The following SLC26A7 variants were observed in gnomAD, a reference collection of about 807,000 sequenced individuals.
The protein encoded by SLC26A7 is anion exchange transporter.
In SLC26A7, 59 loss-of-function variants were observed where a neutral mutation model predicts 82.5. The observed-to-expected ratio is 0.72, with a 90% CI of 0.58 to 0.89. The LOEUF is 0.89. SLC26A7 is among the 40% of genes least tolerant of loss of function. The pLI is 0.00. For missense variants in SLC26A7, 820 were observed against 793.0 expected (o/e 1.03, Z -0.41); for synonymous variants, 271 against 274.3 (o/e 0.99, Z 0.12).
chr8:91,298,788 G>A (rs1182198634), intron 4 of SLC26A7, among the ~76,000 whole-genome samples: 1 of 152,126 alleles, frequency 6.6e-6, no homozygotes, highest in Non-Finnish European at 1.5e-5. Flanking sequence ...CTATGTATGT[G>A]TATATCTGGA....
chr8:91,339,626 G>GGATT (rs1390356635), intron 7 of SLC26A7, among the ~76,000 whole-genome samples: 1 of 100,382 alleles, frequency 1.0e-5, no homozygotes, highest in African/African-American at 4.2e-5. Flanking sequence ...ACTGCCTGAG[G>GGATT]GATTTATTTA....
At chr8:91,281,729 C>T (rs1044542432) in intron 2 of SLC26A7, among the ~76,000 whole-genome samples, 1 of 152,124 alleles carries the variant, frequency 6.6e-6, no homozygotes, top group Non-Finnish European at 1.5e-5. Context: ...CTTGGAGAAT[C>T]ATCTCCCTCC....
chr8:91,359,263 A>G (rs1291689591), intron 11 of SLC26A7, among the ~76,000 whole-genome samples: 1 of 152,204 alleles, frequency 6.6e-6, no homozygotes, highest in Non-Finnish European at 1.5e-5. Flanking sequence ...TTAACAATTT[A>G]TAGAACTTGT....
At chr8:91,364,434 A>T (rs577749470) in intron 13 of SLC26A7, among the ~76,000 whole-genome samples, 1 of 152,236 alleles carries the variant, frequency 6.6e-6, no homozygotes, top group South Asian at 2.1e-4. Flanking sequence ...TTATGTTTTT[A>T]ATACTATGGA....
At chr8:91,269,406 T>G (rs1811205879) in intron 2 of SLC26A7, among the ~76,000 whole-genome samples, 1 of 152,008 alleles carries the variant, frequency 6.6e-6, no homozygotes, top group Admixed American at 6.6e-5. Context: ...TAACAGTTTT[T>G]GTTGTTGTTG....
chr8:91,325,342 T>C (rs1339623318), intron 5 of SLC26A7, among the ~76,000 whole-genome samples: 2 of 152,138 alleles, frequency 1.3e-5, no homozygotes, highest in Non-Finnish European at 2.9e-5. Context: ...TTAAACAGTT[T>C]CCCCATTCTT....
chr8:91,348,812 A>C (rs1813636328), intron 9 of SLC26A7, among the ~76,000 whole-genome samples: 1 of 152,232 alleles, frequency 6.6e-6, no homozygotes, highest in Non-Finnish European at 1.5e-5. Flanking sequence ...GAAAGGCAAG[A>C]AAATATTACC....
intron 8 of SLC26A7, among the ~76,000 whole-genome samples, chr8:91,341,910 C>A (rs1227490077): frequency 6.6e-6 from 1 of 152,024 alleles, no homozygotes; most frequent in Admixed American, 6.6e-5. Flanking sequence ...CTTAGCTCCT[C>A]CATTTATTTG....
intron 11 of SLC26A7, among the ~76,000 whole-genome samples, chr8:91,358,139 G>A (rs567720103): frequency 4.6e-5 from 7 of 152,108 alleles, no homozygotes; most frequent in Non-Finnish European, 8.8e-5. Context: ...TGGAGAAACA[G>A]AAACACTTTT....
At chr8:91,359,028 A>T (rs1227264503) in intron 11 of SLC26A7, among the ~76,000 whole-genome samples, 2 of 152,238 alleles carry the variant, frequency 1.3e-5, no homozygotes, top group Non-Finnish European at 2.9e-5. Flanking sequence ...ATGTTTACAT[A>T]TGTAACAAAC....
At chr8:91,305,784 A>G (rs1447652387) in intron 4 of SLC26A7, among the ~76,000 whole-genome samples, 1 of 152,214 alleles carries the variant, frequency 6.6e-6, no homozygotes, top group East Asian at 1.9e-4. Context: ...TTGTCTGTGG[A>G]GTAATGTGTA....
At chr8:91,351,995 C>A (rs1009801103) in intron 10 of SLC26A7, 108 bp downstream of exon 10, 54 of 889,338 alleles carry the variant, frequency 6.1e-5, no homozygotes, top group Non-Finnish European at 7.4e-5. Context: ...AATGTAGAAA[C>A]CATGTTACAG....
intron 2 of SLC26A7, among the ~76,000 whole-genome samples, chr8:91,226,488 AAGCTAAT>A (rs1188536771): frequency 2.6e-5 from 4 of 152,180 alleles, no homozygotes; most frequent in Admixed American, 2.6e-4. Context: ...AGTCTTAAAA[AAGCTAAT>A]ATATAATAAT....
intron 11 of SLC26A7, among the ~76,000 whole-genome samples, chr8:91,360,629 G>A (rs1329406295): frequency 6.6e-6 from 1 of 152,152 alleles, no homozygotes; most frequent in Admixed American, 6.5e-5. Context: ...AATAGAACCA[G>A]ATGGTACCAA....
intron 15 of SLC26A7, among the ~76,000 whole-genome samples, chr8:91,373,728 A>G (rs935554017): frequency 6.6e-6 from 1 of 151,838 alleles, no homozygotes; most frequent in South Asian, 2.1e-4. Flanking sequence ...TCAGGATGAC[A>G]CTGGTTTCAA....
At chr8:91,291,499 A>G (rs916826214) in intron 3 of SLC26A7, among the ~76,000 whole-genome samples, 1 of 152,240 alleles carries the variant, frequency 6.6e-6, no homozygotes, top group Non-Finnish European at 1.5e-5. Flanking sequence ...TTAGCAATAA[A>G]AAAGTTGTTT....
chr8:91,288,638 A>G (rs1811775619), intron 2 of SLC26A7, among the ~76,000 whole-genome samples: 1 of 152,176 alleles, frequency 6.6e-6, no homozygotes, highest in South Asian at 2.1e-4. Flanking sequence ...ACACAGTCTC[A>G]AGCTGGCTGT....
intron 15 of SLC26A7, among the ~76,000 whole-genome samples, chr8:91,370,952 A>G (rs1405314372): frequency 6.6e-6 from 1 of 151,882 alleles, no homozygotes; most frequent in East Asian, 1.9e-4. Flanking sequence ...AATCTTTGAC[A>G]GATATCTAGT....
intron 9 of SLC26A7, among the ~76,000 whole-genome samples, chr8:91,345,917 A>T (rs918936476): frequency 3.3e-5 from 5 of 151,868 alleles, no homozygotes; most frequent in Admixed American, 2.0e-4. Flanking sequence ...TAAATTTGGG[A>T]TTTTTTTTCA....
Sources: gnomAD v4.1 joint callset for allele counts (sites outside exome capture counted in the v4.1 genomes callset) on GRCh38, gnomAD v4.1.1 for gene constraint, MANE v1.5 for transcripts, NCBI Gene and HGNC (gene_info 2026-07-23, HGNC 2026-07-21) for gene names.